CNTNAP2: variants seen among roughly 807,000 people sequenced by gnomAD.
CNTNAP2 encodes contactin associated protein 2.
CNTNAP2 carries 98 observed loss-of-function variants against 155.2 expected under a neutral mutation model. The ratio of observed to expected loss-of-function variants is 0.63; its 90% CI spans 0.54 to 0.75. The LOEUF (loss-of-function observed/expected upper bound fraction) is 0.75, where lower values mean the gene tolerates loss of function less well. CNTNAP2 is among the 30% of genes least tolerant of loss of function. The pLI is 0.00. For synonymous variants in CNTNAP2, 651 were observed against 631.2 expected, an observed-to-expected ratio of 1.03 and a Z score of -0.47; for missense variants, 1,727 against 1,688.1, an observed-to-expected ratio of 1.02 and a Z score of -0.40.
At chr7:147,832,545 A>G (rs1270552359) in intron 13 of CNTNAP2, among the ~76,000 whole-genome samples, 4 of 141,404 alleles carry the variant, frequency 2.8e-5, no homozygotes, top group South Asian at 2.1e-4. Flanking sequence ...TTATATTTCA[A>G]TATATTATAT....
chr7:147,087,914 T>C (rs1204922068), intron 4 of CNTNAP2, among the ~76,000 whole-genome samples: 5 of 151,886 alleles, frequency 3.3e-5, no homozygotes, highest in African/African-American at 1.2e-4. Context: ...GAGGTAGAGG[T>C]TGCAGTAGGC....
intron 3 of CNTNAP2, among the ~76,000 whole-genome samples, chr7:146,959,860 T>C (rs552714170): frequency 2.6e-5 from 4 of 152,276 alleles, no homozygotes; most frequent in African/African-American, 7.2e-5. Flanking sequence ...GGGACTTAGA[T>C]TGTCAAGCTG....
intron 13 of CNTNAP2, among the ~76,000 whole-genome samples, chr7:147,880,802 G>A (rs1201144011): frequency 6.6e-6 from 1 of 151,796 alleles, no homozygotes; most frequent in Non-Finnish European, 1.5e-5. Flanking sequence ...TAATGAAATG[G>A]AAGGAGGAGT....
intron 13 of CNTNAP2, among the ~76,000 whole-genome samples, chr7:147,684,931 G>A (rs1202441386): frequency 1.3e-5 from 2 of 151,792 alleles, no homozygotes; most frequent in Non-Finnish European, 2.9e-5. Context: ...ATTCACCTTG[G>A]CTGTGACTCA....
intron 1 of CNTNAP2, among the ~76,000 whole-genome samples, chr7:146,519,018 T>C (rs978677838): frequency 1.3e-5 from 2 of 151,972 alleles, no homozygotes; most frequent in African/African-American, 4.8e-5. Flanking sequence ...CTTTCTACAT[T>C]AAACAGTTTA....
chr7:146,494,216 C>T (rs1430632466), intron 1 of CNTNAP2, among the ~76,000 whole-genome samples: 1 of 151,878 alleles, frequency 6.6e-6, no homozygotes, highest in Non-Finnish European at 1.5e-5. Context: ...CACCTGTAGT[C>T]CCAGCTACTC....
At chr7:146,258,993 T>C (rs975541445) in intron 1 of CNTNAP2, among the ~76,000 whole-genome samples, 29 of 152,134 alleles carry the variant, frequency 1.9e-4, no homozygotes, top group Admixed American at 1.8e-3. Flanking sequence ...TGGGAGGTTA[T>C]TGGATCTTGG....
At chr7:146,597,682 G>A (rs2129150827) in intron 1 of CNTNAP2, among the ~76,000 whole-genome samples, 1 of 151,782 alleles carries the variant, frequency 6.6e-6, no homozygotes, top group South Asian at 2.1e-4. Flanking sequence ...ACATTTCTGG[G>A]GATACTGCTT....
chr7:147,562,441 T>C (rs1412675530), intron 12 of CNTNAP2, among the ~76,000 whole-genome samples, 184 bp downstream of exon 12: 1 of 152,228 alleles, frequency 6.6e-6, no homozygotes, highest in Non-Finnish European at 1.5e-5. Flanking sequence ...ATTTTGACAC[T>C]GTGCTTTTCA....
chr7:146,280,717 T>G (rs1438584386), intron 1 of CNTNAP2, among the ~76,000 whole-genome samples: 6 of 152,150 alleles, frequency 3.9e-5, no homozygotes, highest in African/African-American at 1.2e-4. Flanking sequence ...TGGAATATGG[T>G]TCAGGCATAG....
At chr7:147,661,901 T>C (rs62480744) in intron 13 of CNTNAP2, among the ~76,000 whole-genome samples, 21,784 of 152,078 alleles carry the variant, frequency 0.14, 1,941 homozygotes, top group East Asian at 0.31. Context: ...CACCATGACG[T>C]AGCCCTACCT....
intron 22 of CNTNAP2, among the ~76,000 whole-genome samples, chr7:148,405,463 C>T (rs984468371): frequency 2.0e-5 from 2 of 100,896 alleles, no homozygotes; most frequent in African/African-American, 4.3e-5. Flanking sequence ...GAGTCTCGCT[C>T]TGTCGCCAGG....
intron 1 of CNTNAP2, among the ~76,000 whole-genome samples, chr7:146,387,510 A>AT: frequency 6.6e-6 from 1 of 152,234 alleles, no homozygotes; most frequent in Admixed American, 6.5e-5. Context: ...GTACTTTCTC[A>AT]TTTTGGTAGG....
chr7:146,475,843 A>G (rs994354845), intron 1 of CNTNAP2, among the ~76,000 whole-genome samples: 25 of 152,172 alleles, frequency 1.6e-4, no homozygotes, highest in African/African-American at 5.3e-4. Context: ...GTTGGAGCTA[A>G]TGATGTTGTC....
intron 16 of CNTNAP2, among the ~76,000 whole-genome samples, chr7:148,122,055 C>T (rs898884811): frequency 6.6e-5 from 10 of 152,178 alleles, no homozygotes; most frequent in African/African-American, 2.2e-4. Flanking sequence ...TTCATTCAGA[C>T]TTTCAGGCCT....
intron 15 of CNTNAP2, among the ~76,000 whole-genome samples, chr7:148,023,497 T>A (rs1340531986): frequency 6.6e-6 from 1 of 152,228 alleles, no homozygotes; most frequent in Non-Finnish European, 1.5e-5. Flanking sequence ...GGTTGGAGGA[T>A]GTTTGCCTGA....
chr7:146,832,487 A>G (rs1460785231), intron 2 of CNTNAP2, among the ~76,000 whole-genome samples: 1 of 148,320 alleles, frequency 6.7e-6, no homozygotes, highest in African/African-American at 2.4e-5. Context: ...TATATAAAGT[A>G]TAATTTATAT....
intron 1 of CNTNAP2, among the ~76,000 whole-genome samples, chr7:146,337,289 G>A (rs937854506): frequency 3.4e-5 from 5 of 147,530 alleles, no homozygotes; most frequent in African/African-American, 1.3e-4. Context: ...TTTACATGAG[G>A]TTGTTCTAAC....
intron 3 of CNTNAP2, among the ~76,000 whole-genome samples, chr7:147,037,364 AT>A (rs1259093507): frequency 6.6e-6 from 1 of 151,170 alleles, no homozygotes; most frequent in Non-Finnish European, 1.5e-5. Context: ...TGACAATTTG[AT>A]TCTCAAATGA....
Sources: allele counts gnomAD v4.1 joint callset (sites outside exome capture counted in the v4.1 genomes callset), GRCh38; gene constraint gnomAD v4.1.1; transcripts MANE v1.5; gene names NCBI Gene and HGNC (gene_info 2026-07-23, HGNC 2026-07-21).